USP14: variants seen among roughly 807,000 people sequenced by gnomAD.
USP14 encodes ubiquitin carboxyl-terminal hydrolase 14.
Under a neutral mutation model 76.5 loss-of-function variants are expected in USP14, and 38 were observed. The observed-to-expected ratio is 0.50, with a 90% CI of 0.38 to 0.65. The LOEUF is 0.65. Among genes scored for constraint, USP14 ranks in the 30% least tolerant of loss-of-function variants. USP14 has a pLI of 0.00. For missense variants in USP14, 467 were observed against 586.5 expected (o/e 0.80, Z 2.10); for synonymous variants, 192 against 191.7 (o/e 1.00, Z -0.01).
chr18:202,879 G>A lies in USP14; in HGVS notation c.877-1G>A. The A allele has an allele frequency of 6.2e-7, 1 of 1,613,880 alleles. No homozygotes were observed. Among genetic ancestry groups the A allele is most frequent in the Non-Finnish European group, 8.5e-7 (1 of 1,179,928 alleles). ...TGGTCTTCTGTTATGTTCTTTCTTA[G>A]CGACTTCAGGAAGAAATCACCAAAC... On this transcript the variant is annotated splice_acceptor_variant, in intron 10 of 15. Coordinates refer to ENST00000261601, the MANE Select transcript of USP14 (RefSeq NM_005151.4). LOFTEE classifies it high-confidence loss of function.
In USP14 at chr18:163,469, A is replaced by C; in HGVS notation, c.162+16A>C. 1.3e-6 allele frequency: 2 copies of C among 1,595,082 alleles called. No individual in the cohort carries two copies. Among genetic ancestry groups the C allele is most frequent in the Non-Finnish European group, 1.7e-6 (2 of 1,172,390 alleles). On this transcript the variant is annotated intron_variant, in intron 2 of 15. Transcript: ENST00000261601. Reference sequence around the variant, plus strand: ...AACGCTAAAGGTAAAATGTAGTCCAAATTTTCATCACATTACTATTATTGT... The same window carrying C: ...AACGCTAAAGGTAAAATGTAGTCCACATTTTCATCACATTACTATTATTGT...
At chr18:209,822 G>T in intron 13 of USP14, 149 bp from the exon 14 acceptor site, 1 of 597,650 alleles carries the variant, frequency 1.7e-6, no homozygotes, top group Non-Finnish European at 2.9e-6. Flanking sequence ...TTTAACTGTG[G>T]TTATATCATT....
At chr18:160,575 T>C (rs1445737301) in intron 1 of USP14, among the ~76,000 whole-genome samples, 1 of 152,206 alleles carries the variant, frequency 6.6e-6, no homozygotes, top group Non-Finnish European at 1.5e-5. Context: ...TTTGTACATA[T>C]TGCTTTGTTT....
chr18:208,018 T>A (rs947650960), intron 13 of USP14, among the ~76,000 whole-genome samples: 2 of 152,058 alleles, frequency 1.3e-5, no homozygotes, highest in African/African-American at 2.4e-5. Context: ...AATTTTTTTT[T>A]AAACATTTGA....
rs1910292214 is a variant in USP14, at chr18:198,189, A to G, written c.761+57A>G. The G allele has an allele frequency of 2.1e-6, 3 of 1,430,602 alleles. No individual in the cohort carries two copies. In the South Asian group the frequency reaches 4.3e-5, roughly 20 times the overall value. 88.6% of individuals were successfully genotyped at this position (1,430,602 alleles called of 1,614,324 possible). ...TCATACCTTATTAGAATTGGCATAA[A>G]TAGCATCATTGGCTGATTGATTGGT... On this transcript the variant is annotated intron_variant, in intron 9 of 15. Coordinates refer to ENST00000261601, the MANE Select transcript of USP14 (RefSeq NM_005151.4).
chr18:159,195 C>A (rs1160411379), intron 1 of USP14, among the ~76,000 whole-genome samples: 1 of 152,106 alleles, frequency 6.6e-6, no homozygotes, highest in Non-Finnish European at 1.5e-5. Context: ...TTGCCCCTTG[C>A]CTTTGTTCGA....
intron 3 of USP14, among the ~76,000 whole-genome samples, chr18:173,006 G>T (rs1909507756): frequency 1.3e-5 from 2 of 151,294 alleles, no homozygotes; most frequent in East Asian, 1.9e-4. Context: ...GTACTATGTT[G>T]TAAGAAATCT....
At position 197,636 on chromosome 18, in the gene USP14, A is replaced by G. The variant is rs1567834388; in HGVS notation, c.615A>G (p.Ile205Met). 1 of 1,612,264 alleles carries G rather than the reference A, an allele frequency of 6.2e-7. No homozygotes were observed. Among genetic ancestry groups the G allele is most frequent in the East Asian group, 2.2e-5 (1 of 44,762 alleles). Residue 205 changes from isoleucine to methionine, a missense_variant, in exon 8 of 16, where the codon ATA (isoleucine) becomes ATG (methionine). Ile to Met is a conservative substitution (Grantham distance 10). Transcript: ENST00000261601. ...YLQQDANECW[I>M]QMMRVLQQKL... ...TACAGGATGCTAATGAATGTTGGAT[A>G]CAAATGATGCGAGTATTGCAACAGA...
At chr18:206,653 A>C (rs1457824318) in intron 13 of USP14, among the ~76,000 whole-genome samples, 1 of 152,174 alleles carries the variant, frequency 6.6e-6, no homozygotes, top group Non-Finnish European at 1.5e-5. Context: ...TAATCCCAGC[A>C]CTTTAGGAGG....
At chr18:191,771 C>T (rs1910095265) in intron 5 of USP14, among the ~76,000 whole-genome samples, 1 of 152,080 alleles carries the variant, frequency 6.6e-6, no homozygotes, top group Non-Finnish European at 1.5e-5. Flanking sequence ...CACAATCTTG[C>T]CGATATTGGG....
intron 6 of USP14, 181 bp from the exon 7 acceptor site, chr18:196,456 G>A (rs549348396): frequency 2.9e-4 from 134 of 455,688 alleles, no homozygotes; most frequent in Non-Finnish European, 4.5e-4. Context: ...CCCAGAAGGC[G>A]GAGGTTGCGG....
intron 3 of USP14, among the ~76,000 whole-genome samples, chr18:168,976 C>T (rs554347328): frequency 3.3e-5 from 5 of 151,840 alleles, no homozygotes; most frequent in Admixed American, 1.3e-4. Context: ...ACTCAGGAGG[C>T]TGAGGCAGGA....
rs752525633 is a variant in USP14 at position 196,719 on chromosome 18, T to C, written c.546T>C (p.Ala182=). 5.6e-6 allele frequency: 9 copies of C among 1,614,034 alleles called. No homozygotes were observed. The highest frequency in any genetic ancestry group is 7.6e-6 in the Non-Finnish European group (9 of 1,180,020). Residue 182 remains alanine (A), a synonymous_variant, in exon 7 of 16, where the codon GCT becomes GCC. Transcript: ENST00000261601. Reference sequence around the variant, plus strand: ...TTCTACTGCAGTTTTTGCACATGGCTTTCCCACAGTTTGCCGAGAAAGGTG... The same window carrying C: ...TTCTACTGCAGTTTTTGCACATGGCCTTCCCACAGTTTGCCGAGAAAGGTG... The part of the protein sequence containing the change: ...PIILLQFLHM[A]FPQFAEKGEQ...
At chr18:162,654 AT>A (rs1481929234) in intron 1 of USP14, among the ~76,000 whole-genome samples, 2 of 152,102 alleles carry the variant, frequency 1.3e-5, no homozygotes, top group African/African-American at 4.8e-5. Context: ...TGATTCTTCA[AT>A]TAAACACATG....
At chr18:162,588 A>G (rs777297190) in intron 1 of USP14, among the ~76,000 whole-genome samples, 47 of 152,100 alleles carry the variant, frequency 3.1e-4, no homozygotes, top group Non-Finnish European at 6.2e-4. Context: ...TCTTCTCTTA[A>G]ACTATCTAAC....
At chr18:197,487 G>T in intron 7 of USP14, 129 bp from the exon 8 acceptor site, 1 of 655,438 alleles carries the variant, frequency 1.5e-6, no homozygotes, top group Non-Finnish European at 2.6e-6. Context: ...AAGATCGTAT[G>T]TCTTATTTGG....
chr18:204,802 T>A, intron 13 of USP14, 110 bp downstream of exon 13: 17 of 1,196,770 alleles, frequency 1.4e-5, no homozygotes, highest in African/African-American at 2.1e-5. Flanking sequence ...GAACTATACT[T>A]TGTATAGTAT....
intron 3 of USP14, among the ~76,000 whole-genome samples, chr18:167,248 C>T (rs1244155503): frequency 6.6e-6 from 1 of 152,150 alleles, no homozygotes; most frequent in Non-Finnish European, 1.5e-5. Flanking sequence ...TGCCACTGCA[C>T]TCCAGCCTGG....
At chr18:187,418 C>T (rs1457194432) in intron 5 of USP14, among the ~76,000 whole-genome samples, 1 of 152,134 alleles carries the variant, frequency 6.6e-6, no homozygotes, top group Non-Finnish European at 1.5e-5. Flanking sequence ...CTTTGAACTT[C>T]ATAGTCATGT....
Sources: gnomAD v4.1 joint callset for allele counts (sites outside exome capture counted in the v4.1 genomes callset) on GRCh38, gnomAD v4.1.1 for gene constraint, MANE v1.5 for transcripts, NCBI Gene and HGNC (gene_info 2026-07-23, HGNC 2026-07-21) for gene names.